Variants in RHOH observed in about 807,000 individuals in gnomAD.
The protein encoded by RHOH is ras homolog family member H.
In RHOH, 6 loss-of-function variants were observed where a neutral mutation model predicts 13.8. The ratio of observed to expected loss-of-function variants is 0.44; its 90% CI spans 0.24 to 0.86. The LOEUF is 0.86. Ranked by LOEUF, RHOH falls within the 40% of genes least tolerant of loss-of-function variation. The pLI, the probability that RHOH is intolerant of heterozygous loss-of-function variation, is 0.24. For synonymous variants in RHOH, 117 were observed against 103.0 expected (o/e 1.14, Z -0.82); for missense variants, 147 against 244.5 (o/e 0.60, Z 2.66).
At chr4:40,212,077 G>T (rs969917299) in intron 1 of RHOH, among the ~76,000 whole-genome samples, 1 of 152,190 alleles carries the variant, frequency 6.6e-6, no homozygotes, top group African/African-American at 2.4e-5. Flanking sequence ...TTTGGAGGCT[G>T]CCCTGACTTC....
intron 1 of RHOH, among the ~76,000 whole-genome samples, chr4:40,239,788 G>GA (rs1010040602): frequency 3.3e-5 from 5 of 151,984 alleles, no homozygotes; most frequent in Non-Finnish European, 5.9e-5. Flanking sequence ...TGAGGCAGGA[G>GA]AATCACTTGA....
chr4:40,225,538 C>T (rs1579298780), intron 1 of RHOH, among the ~76,000 whole-genome samples: 1 of 152,186 alleles, frequency 6.6e-6, no homozygotes, highest in East Asian at 1.9e-4. Flanking sequence ...GATAGATGAT[C>T]AGTTGTGGGT....
intron 1 of RHOH, among the ~76,000 whole-genome samples, chr4:40,213,853 G>T (rs1039512489): frequency 6.6e-6 from 1 of 152,146 alleles, no homozygotes; most frequent in Admixed American, 6.5e-5. Flanking sequence ...CGCCTCCCAG[G>T]TTTAAGTGAT....
At chr4:40,208,148 G>A (rs1210672511) in intron 1 of RHOH, among the ~76,000 whole-genome samples, 1 of 152,042 alleles carries the variant, frequency 6.6e-6, no homozygotes, top group Non-Finnish European at 1.5e-5. Flanking sequence ...TTCTTTGGAG[G>A]ACTAAAATGA....
chr4:40,196,030 G>A (rs1341642642), upstream of RHOH, among the ~76,000 whole-genome samples: 2 of 152,094 alleles, frequency 1.3e-5, no homozygotes, highest in African/African-American at 2.4e-5. Flanking sequence ...TTGCCTCTAC[G>A]TGGAATGTTC....
chr4:40,193,473 T>TAAGAGCGAGA (rs1560673701), upstream of RHOH, among the ~76,000 whole-genome samples: 3 of 38,710 alleles, frequency 7.7e-5, no homozygotes, highest in African/African-American at 3.8e-4. Context: ...GTTAAAAGAA[T>TAAGAGCGAGA]GAGAGCGAGA....
At chr4:40,223,411 C>T (rs989618221) in intron 1 of RHOH, among the ~76,000 whole-genome samples, 3 of 151,584 alleles carry the variant, frequency 2.0e-5, no homozygotes, top group African/African-American at 7.3e-5. Context: ...AATTGGCAGC[C>T]ATCAACATTG....
At chr4:40,200,296 CG>C (rs1723795001) in intron 1 of RHOH, 2 of 152,238 alleles carry the variant, frequency 1.3e-5, no homozygotes, top group Non-Finnish European at 1.5e-5. Flanking sequence ...TACTGTTCCC[CG>C]GATGTGGACA....
At chr4:40,242,570 C>T (rs1383679400) in intron 1 of RHOH, 144 bp from the exon 2 acceptor site, 1 of 152,198 alleles carries the variant, frequency 6.6e-6, no homozygotes, top group East Asian at 1.9e-4. Context: ...AAGGGAAAAA[C>T]CACAGCAAAT....
In RHOH at chr4:40,246,095, CAT is replaced by C. The variant is rs1214523203; in HGVS notation, c.*2136_*2137del. On this transcript the variant is annotated 3_prime_UTR_variant, in exon 3 of 3. Transcript: ENST00000381799. ...CCGGGCAGGGGAGGGGAAGGGATCT[CAT>C]ATCCTCTGATATCCCTGGGATTCTC... is the stretch of plus-strand genomic sequence containing the variant. 1 of 152,216 alleles carries C rather than the reference CAT, an allele frequency of 6.6e-6. No homozygotes were observed. The highest frequency in any genetic ancestry group is 1.5e-5 in the Non-Finnish European group (1 of 68,058). The allele number at this position is 152,216 out of a possible 1,614,324, so 9.4% of individuals were successfully genotyped here.
intron 1 of RHOH, among the ~76,000 whole-genome samples, chr4:40,216,664 A>G (rs1725934140): frequency 6.6e-6 from 1 of 152,188 alleles, no homozygotes; most frequent in African/African-American, 2.4e-5. Flanking sequence ...CATTTAAAAA[A>G]TGTTTTTAGT....
At chr4:40,227,534 C>T (rs1296625316) in intron 1 of RHOH, among the ~76,000 whole-genome samples, 1 of 152,150 alleles carries the variant, frequency 6.6e-6, no homozygotes, top group Non-Finnish European at 1.5e-5. Context: ...TTTCAGGCAT[C>T]TCATCATGCT....
chr4:40,220,621 T>G (rs1454828292), intron 1 of RHOH, among the ~76,000 whole-genome samples: 1 of 152,154 alleles, frequency 6.6e-6, no homozygotes, highest in Non-Finnish European at 1.5e-5. Context: ...AAAAAAAATT[T>G]TTTTAACCTC....
intron 1 of RHOH, among the ~76,000 whole-genome samples, chr4:40,215,446 G>T (rs1725760958): frequency 6.6e-6 from 1 of 152,156 alleles, no homozygotes; most frequent in South Asian, 2.1e-4. Flanking sequence ...TACCTGGGTG[G>T]ACTCCAATCT....
At chr4:40,232,559 A>G (rs1459448272) in intron 1 of RHOH, among the ~76,000 whole-genome samples, 2 of 152,110 alleles carry the variant, frequency 1.3e-5, no homozygotes, top group Non-Finnish European at 2.9e-5. Flanking sequence ...CTGGCTAGTA[A>G]CATTTTATGT....
intron 1 of RHOH, among the ~76,000 whole-genome samples, chr4:40,216,804 C>G (rs557166676): frequency 6.6e-6 from 1 of 152,288 alleles, no homozygotes; most frequent in African/African-American, 2.4e-5. Flanking sequence ...AAACATACCA[C>G]ATAAATGATA....
chr4:40,239,603 G>A (rs1729004641), intron 1 of RHOH, among the ~76,000 whole-genome samples: 1 of 152,182 alleles, frequency 6.6e-6, no homozygotes, highest in African/African-American at 2.4e-5. Context: ...TCTAGGCCAG[G>A]CACAGTGGCT....
At chr4:40,219,702 C>A (rs2109445126) in intron 1 of RHOH, among the ~76,000 whole-genome samples, 1 of 152,164 alleles carries the variant, frequency 6.6e-6, no homozygotes, top group South Asian at 2.1e-4. Flanking sequence ...TTGGGAAGGC[C>A]TCATACAAGA....
rs186771363 is a variant in RHOH, at chr4:40,219,334, C to T, written c.-331+22034C>T. Among the ~76,000 whole-genome samples, 12 of 151,274 alleles carry T rather than the reference C, an allele frequency of 7.9e-5. No individual in the cohort carries two copies. In the East Asian group the frequency reaches 2.1e-3, roughly 27 times the overall value. On this transcript the variant is annotated intron_variant, in intron 1 of 2. Coordinates refer to ENST00000381799, the MANE Select transcript of RHOH (RefSeq NM_004310.5). ...GGCTGAGGCAGGCGAATCACTTGAACCCAGGAGGCGGAGGTTGCAGTGAGC... is the reference window on the plus strand; with the variant it reads ...GGCTGAGGCAGGCGAATCACTTGAATCCAGGAGGCGGAGGTTGCAGTGAGC...
Sources: allele counts gnomAD v4.1 joint callset (sites outside exome capture counted in the v4.1 genomes callset), GRCh38; gene constraint gnomAD v4.1.1; transcripts MANE v1.5; gene names NCBI Gene and HGNC (gene_info 2026-07-23, HGNC 2026-07-21).